FSD1L: variants seen among roughly 807,000 people sequenced by gnomAD.
FSD1L encodes FSD1-like protein.
A neutral mutation model predicts 71.6 loss-of-function variants in FSD1L; 45 were observed. That is an observed-to-expected ratio of 0.63 (90% CI 0.49 to 0.81). FSD1L has a LOEUF of 0.81. Ranked by LOEUF, FSD1L falls within the 30% of genes least tolerant of loss-of-function variation. The probability of loss-of-function intolerance (pLI) is 0.00; values close to 1 mark genes in which losing one functional copy is unlikely to be tolerated. For synonymous variants in FSD1L, 197 were observed against 207.2 expected (o/e 0.95, Z 0.42); for missense variants, 561 against 618.1 (o/e 0.91, Z 0.98).
intron 10 of FSD1L, chr9:105,523,093 A>G (rs1835285745): frequency 1.2e-6 from 2 of 1,614,160 alleles, no homozygotes; most frequent in Non-Finnish European, 8.5e-7. Flanking sequence ...GGTTCTGGCC[A>G]TCATCAGAGT....
At chr9:105,457,830 T>C (rs186821560) in intron 1 of FSD1L, among the ~76,000 whole-genome samples, 2 of 152,356 alleles carry the variant, frequency 1.3e-5, no homozygotes, top group Admixed American at 1.3e-4. Context: ...TGCTGGCTGC[T>C]GTGGCCATAC....
chr9:105,501,338 G>A (rs774529852), intron 7 of FSD1L, among the ~76,000 whole-genome samples: 4 of 151,928 alleles, frequency 2.6e-5, no homozygotes, highest in Non-Finnish European at 5.9e-5. Context: ...AATTTTTGAA[G>A]TTTTTTTCAG....
chr9:105,449,025 C>T (rs1323065490), intron 1 of FSD1L, among the ~76,000 whole-genome samples: 2 of 152,186 alleles, frequency 1.3e-5, no homozygotes, highest in Non-Finnish European at 2.9e-5. Flanking sequence ...AATAACCACC[C>T]TGTTCTCTTT....
chr9:105,443,111 CTCT>C (rs535895186), upstream of FSD1L, among the ~76,000 whole-genome samples: 10 of 152,360 alleles, frequency 6.6e-5, no homozygotes, highest in African/African-American at 2.4e-4. Context: ...TGGCTTAGAG[CTCT>C]TCAAGTAGAG....
intron 8 of FSD1L, among the ~76,000 whole-genome samples, chr9:105,507,604 C>T (rs948967503): frequency 1.1e-4 from 17 of 152,170 alleles, no homozygotes; most frequent in Non-Finnish European, 1.9e-4. Flanking sequence ...CCAGACTGTA[C>T]TTCAAAATGT....
intron 6 of FSD1L, among the ~76,000 whole-genome samples, chr9:105,482,153 A>T (rs994634906): frequency 6.6e-6 from 1 of 152,194 alleles, no homozygotes; most frequent in Non-Finnish European, 1.5e-5. Context: ...ATCAAATATA[A>T]AAAATGAAAA....
At chr9:105,526,454 C>G in intron 10 of FSD1L, 1 of 1,612,780 alleles carries the variant, frequency 6.2e-7, no homozygotes, top group South Asian at 1.1e-5. Flanking sequence ...CCTGGCCTCT[C>G]CAATGTCTCC....
chr9:105,523,693 A>G (rs577434013), intron 10 of FSD1L: 6 of 1,597,874 alleles, frequency 3.8e-6, no homozygotes, highest in East Asian at 4.5e-5. Flanking sequence ...GGTAAATTAC[A>G]TGCATATAAA....
At chr9:105,512,668 T>C (rs1834463911) in intron 9 of FSD1L, 139 bp from the exon 10 acceptor site, 2 of 451,612 alleles carry the variant, frequency 4.4e-6, no homozygotes, top group African/African-American at 4.0e-5. Context: ...CTTTAAGTGC[T>C]AGGATTATGA....
chr9:105,530,396 A>G (rs1001868638), intron 10 of FSD1L: 4 of 492,330 alleles, frequency 8.1e-6, no homozygotes, highest in Middle Eastern at 5.3e-4. Context: ...GAATGCTGCA[A>G]TGGAAGAGTT....
intron 7 of FSD1L, among the ~76,000 whole-genome samples, chr9:105,487,914 A>C (rs1832661235): frequency 6.6e-6 from 1 of 152,194 alleles, no homozygotes; most frequent in African/African-American, 2.4e-5. Flanking sequence ...AGTTGAATGA[A>C]AGGTATGGAG....
At chr9:105,508,581 T>G (rs1231233856) in intron 8 of FSD1L, 36 bp from the exon 9 acceptor site, 9 of 1,223,978 alleles carry the variant, frequency 7.4e-6, no homozygotes, top group Non-Finnish European at 9.4e-6. Context: ...AATCCTTTAC[T>G]GTACATGTCT....
chr9:105,459,125 T>C (rs1358501134), intron 1 of FSD1L, among the ~76,000 whole-genome samples: 1 of 152,218 alleles, frequency 6.6e-6, no homozygotes, highest in East Asian at 1.9e-4. Context: ...GCACATACTA[T>C]CCTTATATAC....
At chr9:105,503,420 A>T (rs1376380865) in intron 7 of FSD1L, among the ~76,000 whole-genome samples, 1 of 152,222 alleles carries the variant, frequency 6.6e-6, no homozygotes, top group African/African-American at 2.4e-5. Flanking sequence ...ATGATCAATG[A>T]CAATTACAAA....
chr9:105,484,817 T>C (rs1198825682), intron 7 of FSD1L, among the ~76,000 whole-genome samples: 1 of 152,184 alleles, frequency 6.6e-6, no homozygotes, highest in Non-Finnish European at 1.5e-5. Context: ...TTACTTGCTA[T>C]GTAATCTTGA....
At chr9:105,526,287 A>G (rs1835503783) in intron 10 of FSD1L, 2 of 1,606,954 alleles carry the variant, frequency 1.2e-6, no homozygotes, top group South Asian at 2.2e-5. Flanking sequence ...AACCAACAAC[A>G]TTTGAAGATT....
At chr9:105,534,816 A>G (rs1836159354) in intron 11 of FSD1L, among the ~76,000 whole-genome samples, 1 of 152,230 alleles carries the variant, frequency 6.6e-6, no homozygotes, top group Non-Finnish European at 1.5e-5. Context: ...ACATCTTTAT[A>G]TATAAGCCGG....
In FSD1L at chr9:105,491,031, A is replaced by C. The variant is rs1484485136; in HGVS notation, c.586+6529A>C. ...TATGAACTTTAAAGTAGTTTTTTCG[A>C]ATTCTGTGAAGAAAGTCATTGGTAG... On this transcript the variant is annotated intron_variant, in intron 7 of 13. Coordinates refer to ENST00000481272, the MANE Select transcript of FSD1L (RefSeq NM_001145313.3). 6.6e-5 allele frequency among the ~76,000 whole-genome samples: 10 copies of C among 152,068 alleles called. No homozygotes were observed. In the South Asian group the frequency reaches 1.0e-3, roughly 16 times the overall value.
At chr9:105,523,640 T>G in intron 10 of FSD1L, 1 of 1,609,808 alleles carries the variant, frequency 6.2e-7, no homozygotes, top group Non-Finnish European at 8.5e-7. Flanking sequence ...TTCTTACACC[T>G]TGGCTTTTTA....
Sources: gnomAD v4.1 joint callset for allele counts (sites outside exome capture counted in the v4.1 genomes callset) on GRCh38, gnomAD v4.1.1 for gene constraint, MANE v1.5 for transcripts, NCBI Gene and HGNC (gene_info 2026-07-23, HGNC 2026-07-21) for gene names.